The following TMEM129 variants were observed in gnomAD, a reference collection of about 807,000 sequenced individuals.
TMEM129 encodes transmembrane protein 129, E3 ubiquitin ligase.
TMEM129 carries 35 observed loss-of-function variants against 34.1 expected under a neutral mutation model. That is an observed-to-expected ratio of 1.03 (90% CI 0.78 to 1.36). The LOEUF is 1.36. Among genes scored for constraint, TMEM129 ranks in the 40% most tolerant of loss-of-function variants. The pLI, the probability that TMEM129 is intolerant of heterozygous loss-of-function variation, is 0.00. For missense variants in TMEM129, 504 were observed against 512.6 expected (o/e 0.98, Z 0.16); for synonymous variants, 239 against 217.3 (o/e 1.10, Z -0.88).
chr4:1,717,382 T>C lies in TMEM129; in HGVS notation c.887A>G (p.Lys296Arg). 1 of 1,529,470 alleles carries C rather than the reference T, an allele frequency of 6.5e-7. No homozygotes were observed. Among genetic ancestry groups the C allele is most frequent in the Non-Finnish European group, 8.8e-7 (1 of 1,130,164 alleles). 94.7% of individuals were successfully genotyped at this position (1,529,470 alleles called of 1,614,324 possible). ...IGCMQTRASV[K>R]LVKTCQEAAT... ...TGCCTCCTGGCAGGTCTTCACCAGC[T>C]TCACGCTGGCACGTGTCTGCATGCA... is the stretch of plus-strand genomic sequence containing the variant. The change falls in exon 4 of 4, where the codon AAG becomes AGG. Residue 296 changes from lysine (K) to arginine (R), a missense_variant. Coordinates refer to ENST00000382936, the MANE Select transcript of TMEM129 (RefSeq NM_001127266.2).
chr4:1,719,481 T>A (rs576518146), intron 1 of TMEM129, among the ~76,000 whole-genome samples: 238 of 152,292 alleles, frequency 1.6e-3, no homozygotes, highest in African/African-American at 5.3e-3. Context: ...ATCATGCCAC[T>A]GCACTCCAGC....
intron 2 of TMEM129, 62 bp from the exon 3 acceptor site, chr4:1,717,737 C>T: frequency 2.1e-6 from 3 of 1,453,448 alleles, no homozygotes; most frequent in East Asian, 2.5e-5. Context: ...ATGGAGGCTA[C>T]ACCCCAAGGA....
Position 1,716,209 on chromosome 4 carries a change from C to G in TMEM129, c.*971G>C, listed in dbSNP as rs528357681. 1.3e-5 allele frequency: 2 copies of G among 152,454 alleles called. No homozygotes were observed. Among genetic ancestry groups the G allele is most frequent in the East Asian group, 3.9e-4 (2 of 5,174 alleles). 9.4% of individuals were successfully genotyped at this position (152,454 alleles called of 1,614,324 possible). Reference sequence around the variant, plus strand: ...GTCCATCACCTCTGCCTCAAACAGCCAAGCCCAGGGGCTTTGGGGCCGCAG... The same window carrying G: ...GTCCATCACCTCTGCCTCAAACAGCGAAGCCCAGGGGCTTTGGGGCCGCAG... On this transcript the variant is annotated 3_prime_UTR_variant, in exon 4 of 4. Coordinates refer to ENST00000382936, the MANE Select transcript of TMEM129 (RefSeq NM_001127266.2).
intron 1 of TMEM129, among the ~76,000 whole-genome samples, chr4:1,719,793 C>A (rs996518832): frequency 2.6e-5 from 4 of 152,168 alleles, no homozygotes; most frequent in African/African-American, 9.7e-5. Context: ...CAAGTGGGCC[C>A]CCAGCCCACC....
chr4:1,721,224 GC>G lies in TMEM129; in HGVS notation c.-388del, dbSNP rs1717323483. ...ATTGAGCACAGGTGGGGAAACTTAGGCCTGAGCGAGGCCCTGGCCATGAAGC... is the reference window on the plus strand; with the variant it reads ...ATTGAGCACAGGTGGGGAAACTTAGGCTGAGCGAGGCCCTGGCCATGAAGC... On this transcript the variant is annotated 5_prime_UTR_variant, in exon 1 of 4. An upstream open reading frame in the 5' UTR loses its in-frame stop. Coordinates refer to ENST00000382936, the MANE Select transcript of TMEM129 (RefSeq NM_001127266.2). 6.1e-6 allele frequency: 1 copy of G among 165,202 alleles called. No homozygotes were observed. The allele number at this position is 165,202 out of a possible 1,614,324, so 10.2% of individuals were successfully genotyped here.
chr4:1,720,812 G>A lies in TMEM129; in HGVS notation c.26C>T (p.Thr9Ile). MDSPEVTFTLAYLVFAVCF... is the reference protein window; with the variant it reads MDSPEVTFILAYLVFAVCF... ...CACGGCGAACACCAGATAGGCGAGA[G>A]TGAAGGTCACCTCGGGGCTGTCCAT... The change falls in exon 1 of 4, where the codon ACT becomes ATT. Residue 9 changes from threonine to isoleucine, a missense_variant. By Grantham distance (89) the Thr-to-Ile change is moderately conservative. Transcript: ENST00000382936. This position sits in a 1 kb window ranked among gnomAD's most constrained non-coding sequence, Gnocchi z 4.4. 6.3e-7 allele frequency: 1 copy of A among 1,593,308 alleles called. No homozygotes were observed. The highest frequency in any genetic ancestry group is 8.5e-7 in the Non-Finnish European group (1 of 1,171,246).
rs77561723 is a variant in TMEM129 at position 1,718,567 on chromosome 4, C to A, written c.265G>T (p.Ala89Ser). 9 of 1,482,886 alleles carry A rather than the reference C, an allele frequency of 6.1e-6. No homozygotes were observed. In the East Asian group the frequency reaches 1.7e-4, roughly 29 times the overall value. The allele number at this position is 1,482,886 out of a possible 1,614,324, so 91.9% of individuals were successfully genotyped here. A position where few individuals can be genotyped will look rare whatever the true frequency, so the allele number is the denominator to read the frequency against. Reference sequence around the variant, plus strand: ...AGGAAGAGCCGCCAGGCCTCAGGGGCCTGGCTGAGGGCGTGGAGCCGCTTT... The same window carrying A: ...AGGAAGAGCCGCCAGGCCTCAGGGGACTGGCTGAGGGCGTGGAGCCGCTTT... ...SEKRLHALSQAPEAWRLFLLL... is the reference protein window; with the variant it reads ...SEKRLHALSQSPEAWRLFLLL... Residue 89 changes from alanine (A) to serine (S), a missense_variant, in exon 2 of 4, where the codon GCC becomes TCC. Coordinates refer to ENST00000382936, the MANE Select transcript of TMEM129 (RefSeq NM_001127266.2).
At chr4:1,717,816 A>G in intron 2 of TMEM129, 141 bp from the exon 3 acceptor site, 1 of 1,235,774 alleles carries the variant, frequency 8.1e-7, no homozygotes, top group Non-Finnish European at 1.1e-6. Flanking sequence ...CCACGGACCC[A>G]GTGCCAGACA....
At chr4:1,718,872 C>A (rs1158357863) in intron 1 of TMEM129, 33 of 1,377,704 alleles carry the variant, frequency 2.4e-5, no homozygotes, top group Non-Finnish European at 3.0e-5. Context: ...GTTGAAAAAA[C>A]TACAAAAGCC....
At chr4:1,719,008 A>G in intron 1 of TMEM129, 1 of 1,276,878 alleles carries the variant, frequency 7.8e-7, no homozygotes, top group Non-Finnish European at 1.0e-6. Flanking sequence ...GGCTGATCAA[A>G]TGTGGTGCAT....
chr4:1,719,929 CCTGGCCAGCCA>C (rs1717197875), intron 1 of TMEM129, among the ~76,000 whole-genome samples: 1 of 152,182 alleles, frequency 6.6e-6, no homozygotes, highest in Non-Finnish European at 1.5e-5. Flanking sequence ...GAGTGGCAAA[CCTGGCCAGCCA>C]CTGGCCATCT....
rs962963516 is a variant in TMEM129, at chr4:1,720,403, C to A, written c.205+230G>T. ...TTCAGGACTTGGTGGGCCGGAGCATCCCTTGCCCAAGGTTCTGAACTTGGG... is the reference window on the plus strand; with the variant it reads ...TTCAGGACTTGGTGGGCCGGAGCATACCTTGCCCAAGGTTCTGAACTTGGG... On this transcript the variant is annotated intron_variant, in intron 1 of 3. Transcript: ENST00000382936. This position sits in a 1 kb window ranked among gnomAD's most constrained non-coding sequence, Gnocchi z 4.4. Among the ~76,000 whole-genome samples, 3 of 152,258 alleles carry A rather than the reference C, an allele frequency of 2.0e-5. No homozygotes were observed. The highest frequency in any genetic ancestry group is 2.4e-5 in the African/African-American group (1 of 41,472).
chr4:1,718,044 T>C (rs2108674001), intron 2 of TMEM129, 108 bp downstream of exon 2: 4 of 1,047,572 alleles, frequency 3.8e-6, no homozygotes, highest in Middle Eastern at 3.1e-4. Flanking sequence ...CCCAGGAGTG[T>C]TGGAGTCCAC....
At chr4:1,719,743 C>A (rs1042543583) in intron 1 of TMEM129, among the ~76,000 whole-genome samples, 1 of 152,178 alleles carries the variant, frequency 6.6e-6, no homozygotes, top group Non-Finnish European at 1.5e-5. Flanking sequence ...AGAAAGTGGC[C>A]TGGTCAGGGC....
At chr4:1,719,923 G>A (rs550105718) in intron 1 of TMEM129, among the ~76,000 whole-genome samples, 2 of 152,286 alleles carry the variant, frequency 1.3e-5, no homozygotes, top group East Asian at 1.9e-4. Context: ...TCCCCAGAGT[G>A]GCAAACCTGG....
intron 1 of TMEM129, among the ~76,000 whole-genome samples, chr4:1,719,631 C>T (rs531209371): frequency 2.2e-4 from 34 of 152,378 alleles, no homozygotes; most frequent in Non-Finnish European, 4.7e-4. Flanking sequence ...GCCAGCTGTG[C>T]TGTCTGCTCC....
Position 1,721,013 on chromosome 4 carries a change from T to G in TMEM129, c.-176A>C. On this transcript the variant is annotated 5_prime_UTR_variant, in exon 1 of 4. Coordinates refer to ENST00000382936, the MANE Select transcript of TMEM129 (RefSeq NM_001127266.2). ...CCGCGGGGCACTCTAGGACATGGAG[T>G]CCCGCCGCCCGGCCGCCCGCGGGGC... 4 of 221,888 alleles carry G rather than the reference T, an allele frequency of 1.8e-5. No individual in the cohort carries two copies. The highest frequency in any genetic ancestry group is 2.6e-5 in the Non-Finnish European group (3 of 116,966). The allele number at this position is 221,888 out of a possible 1,614,324, so 13.7% of individuals were successfully genotyped here. A position where few individuals can be genotyped will look rare whatever the true frequency, so the allele number is the denominator to read the frequency against.
Position 1,717,058 on chromosome 4 carries a change from C to A in TMEM129, c.*122G>T. On this transcript the variant is annotated 3_prime_UTR_variant, in exon 4 of 4. Transcript: ENST00000382936. Reference sequence around the variant, plus strand: ...GCCTTCTGCAGACCCAGGGCAGAGGCGAGTTGCTCTACATCATGTGCTTTA... The same window carrying A: ...GCCTTCTGCAGACCCAGGGCAGAGGAGAGTTGCTCTACATCATGTGCTTTA... 8.2e-7 allele frequency: 1 copy of A among 1,213,708 alleles called. No homozygotes were observed. The highest frequency in any genetic ancestry group is 1.1e-6 in the Non-Finnish European group (1 of 950,234). 75.2% of individuals were successfully genotyped at this position (1,213,708 alleles called of 1,614,324 possible). A position where few individuals can be genotyped will look rare whatever the true frequency, so the allele number is the denominator to read the frequency against.
At position 1,720,632 on chromosome 4, in the gene TMEM129, C is replaced by A. The variant is rs779442225; in HGVS notation, c.205+1G>T. Reference sequence around the variant, plus strand: ...CGGCCGGCCGGCCCGAGCAGCCTCACCGAGCGGCAGCAGCGAGTGGCACAA... The same window carrying A: ...CGGCCGGCCGGCCCGAGCAGCCTCAACGAGCGGCAGCAGCGAGTGGCACAA... On this transcript the variant is annotated splice_donor_variant, in intron 1 of 3. Coordinates refer to ENST00000382936, the MANE Select transcript of TMEM129 (RefSeq NM_001127266.2). LOFTEE classifies it high-confidence loss of function. The surrounding 1 kb of genome is among the most constrained non-coding windows in gnomAD (Gnocchi z 4.4). 1.3e-6 allele frequency: 2 copies of A among 1,538,630 alleles called. No homozygotes were observed. The highest frequency in any genetic ancestry group is 1.2e-5 in the South Asian group (1 of 83,724).
Sources: allele counts gnomAD v4.1 joint callset (sites outside exome capture counted in the v4.1 genomes callset), GRCh38; gene constraint gnomAD v4.1.1; non-coding constraint Gnocchi (gnomAD v3.1); transcripts MANE v1.5; gene names NCBI Gene and HGNC (gene_info 2026-07-23, HGNC 2026-07-21).